Variants in TIPIN observed in about 807,000 individuals in gnomAD.
The protein encoded by TIPIN is TIMELESS interacting protein, also known as TIMELESS-interacting protein.
A neutral mutation model predicts 35.6 loss-of-function variants in TIPIN; 29 were observed. The ratio of observed to expected loss-of-function variants is 0.82; its 90% CI spans 0.61 to 1.11. The LOEUF is 1.11. TIPIN is among the 50% of genes most tolerant of loss of function. The pLI is 0.00. For missense variants in TIPIN, 296 were observed against 345.4 expected (o/e 0.86, Z 1.13); for synonymous variants, 102 against 121.5 (o/e 0.84, Z 1.06).
chr15:66,354,305 C>T (rs907769575), intron 1 of TIPIN, among the ~76,000 whole-genome samples: 4 of 152,216 alleles, frequency 2.6e-5, no homozygotes, highest in Admixed American at 2.0e-4. Flanking sequence ...ATTTTCCTAA[C>T]TCATTAAATG....
At chr15:66,373,051 C>T (rs935297456) in intron 1 of TIPIN, among the ~76,000 whole-genome samples, 2 of 152,132 alleles carry the variant, frequency 1.3e-5, no homozygotes, top group Non-Finnish European at 2.9e-5. Context: ...TAGGCTGTAT[C>T]ATGTAGCCTA....
At chr15:66,375,665 C>A (rs12439705) in intron 1 of TIPIN, among the ~76,000 whole-genome samples, 15,360 of 150,386 alleles carry the variant, frequency 0.1, 824 homozygotes, top group African/African-American at 0.14. Flanking sequence ...ATGGTGAAAC[C>A]CCGTCTCTAC....
chr15:66,352,254 GTAT>G (rs1566976999), intron 2 of TIPIN, 47 bp from the exon 3 acceptor site: 1 of 1,373,052 alleles, frequency 7.3e-7, no homozygotes, highest in Non-Finnish European at 1.0e-6. Flanking sequence ...TAAATGATTT[GTAT>G]TATTTATTAT....
At chr15:66,356,913 G>A (rs1473786152), upstream of TIPIN, among the ~76,000 whole-genome samples, 1 of 151,806 alleles carries the variant, frequency 6.6e-6, no homozygotes, top group Non-Finnish European at 1.5e-5. Flanking sequence ...TTATTCTGGG[G>A]TTTTTCTTTT....
chr15:66,351,731 C>G (rs962431429), intron 3 of TIPIN, 131 bp from the exon 4 acceptor site: 1 of 706,148 alleles, frequency 1.4e-6, no homozygotes. Context: ...TCGGCCTCCC[C>G]CAGGTTCACG....
chr15:66,354,347 A>G (rs1425591098), intron 1 of TIPIN, among the ~76,000 whole-genome samples: 1 of 152,172 alleles, frequency 6.6e-6, no homozygotes, highest in Non-Finnish European at 1.5e-5. Flanking sequence ...TCAGAAACCT[A>G]CAAGTCATCT....
At chr15:66,353,408 G>A (rs1386963388) in intron 1 of TIPIN, among the ~76,000 whole-genome samples, 5 of 152,042 alleles carry the variant, frequency 3.3e-5, no homozygotes, top group African/African-American at 9.7e-5. Context: ...ACGAGGTCAG[G>A]AGATCGAGAC....
intron 1 of TIPIN, among the ~76,000 whole-genome samples, chr15:66,370,746 GTTTT>G (rs900396030): frequency 6.6e-6 from 1 of 152,044 alleles, no homozygotes; most frequent in African/African-American, 2.4e-5. Context: ...CAATGAGCAA[GTTTT>G]TTTTATTTTG....
intron 6 of TIPIN, among the ~76,000 whole-genome samples, chr15:66,343,924 G>C (rs1237485568): frequency 6.6e-6 from 1 of 151,414 alleles, no homozygotes; most frequent in Non-Finnish European, 1.5e-5. Flanking sequence ...CTTGAACCCG[G>C]GAGGCAGAGG....
intron 7 of TIPIN, 144 bp downstream of exon 7, chr15:66,341,006 C>G (rs992595146): frequency 1.4e-6 from 1 of 691,846 alleles, no homozygotes; most frequent in Non-Finnish European, 2.4e-6. Flanking sequence ...CTCACACACA[C>G]TGTCTCTAAA....
At chr15:66,367,969 G>C (rs2093263564) in intron 1 of TIPIN, among the ~76,000 whole-genome samples, 1 of 151,468 alleles carries the variant, frequency 6.6e-6, no homozygotes, top group Admixed American at 6.6e-5. Flanking sequence ...GAGTAGCTGG[G>C]ACTACAGGTG....
chr15:66,341,391 T>C (rs1595784631), intron 6 of TIPIN, 35 bp from the exon 7 acceptor site: 1 of 1,557,712 alleles, frequency 6.4e-7, no homozygotes, highest in Non-Finnish European at 8.7e-7. Flanking sequence ...TCTGTGGTGT[T>C]AGACTAGTTA....
chr15:66,373,063 G>A (rs2093283248), intron 1 of TIPIN, among the ~76,000 whole-genome samples: 1 of 152,190 alleles, frequency 6.6e-6, no homozygotes, highest in South Asian at 2.1e-4. Flanking sequence ...TGTAGCCTAG[G>A]TGTGTAGTAG....
chr15:66,369,431 C>G (rs893699760), intron 1 of TIPIN, among the ~76,000 whole-genome samples: 1 of 141,220 alleles, frequency 7.1e-6, no homozygotes, highest in Admixed American at 7.8e-5. Context: ...TCACTGCAAG[C>G]TCCGCCTCCC....
chr15:66,349,140 ATTAT>A lies in TIPIN; in HGVS notation c.412-21_412-18del. The A allele has an allele frequency of 6.2e-7, 1 of 1,607,934 alleles. No individual in the cohort carries two copies. Among genetic ancestry groups the A allele is most frequent in the Non-Finnish European group, 8.5e-7 (1 of 1,176,310 alleles). ...TAAACAGGTCTGAAAATGAAAAGAG[ATTAT>A]TTATTTTTACCTCTTTACCAATCAT... On this transcript the variant is annotated intron_variant, in intron 5 of 7. Coordinates refer to ENST00000261881, the MANE Select transcript of TIPIN (RefSeq NM_017858.3).
chr15:66,336,804 A>T lies in TIPIN; in HGVS notation c.*154T>A. The T allele has an allele frequency of 1.6e-6, 1 of 620,848 alleles. No homozygotes were observed. The highest frequency in any genetic ancestry group is 2.8e-6 in the Non-Finnish European group (1 of 363,534). 38.5% of individuals were successfully genotyped at this position (620,848 alleles called of 1,614,324 possible). On this transcript the variant is annotated 3_prime_UTR_variant, in exon 8 of 8. Coordinates refer to ENST00000261881, the MANE Select transcript of TIPIN (RefSeq NM_017858.3). ...AATAGATTTAACTAAAGTGACAAGC[A>T]TAATTATAAATAAATACCAGATTAT...
chr15:66,343,724 C>T (rs537660663), intron 6 of TIPIN, among the ~76,000 whole-genome samples: 2 of 152,128 alleles, frequency 1.3e-5, no homozygotes, highest in South Asian at 2.1e-4. Context: ...ATGAGCCAGG[C>T]GCAGTGGCCC....
chr15:66,375,499 TTATATATATA>T (rs71139487), intron 1 of TIPIN, among the ~76,000 whole-genome samples: 5 of 132,840 alleles, frequency 3.8e-5, no homozygotes, highest in African/African-American at 8.0e-5. Context: ...ATTGGAAAAG[TTATATATATA>T]TATATATATA....
intron 1 of TIPIN, among the ~76,000 whole-genome samples, chr15:66,373,298 C>G (rs919660875): frequency 6.6e-6 from 1 of 152,026 alleles, no homozygotes; most frequent in Non-Finnish European, 1.5e-5. Flanking sequence ...TTGAGACCAT[C>G]CTGGCTAACA....
Sources: allele counts gnomAD v4.1 joint callset (sites outside exome capture counted in the v4.1 genomes callset), GRCh38; gene constraint gnomAD v4.1.1; transcripts MANE v1.5; gene names NCBI Gene and HGNC (gene_info 2026-07-23, HGNC 2026-07-21).